Variants in GPR89B observed in about 807,000 individuals in gnomAD.
GPR89B encodes G protein-coupled receptor 89B.
Under a neutral mutation model 52.4 loss-of-function variants are expected in GPR89B, and 25 were observed. The ratio of observed to expected loss-of-function variants is 0.48; its 90% CI spans 0.35 to 0.67. The LOEUF (loss-of-function observed/expected upper bound fraction) is 0.67, where lower values mean the gene tolerates loss of function less well. Ranked by LOEUF, GPR89B falls within the 30% of genes least tolerant of loss-of-function variation. GPR89B has a pLI of 0.01. For missense variants in GPR89B, 146 were observed against 450.2 expected, an observed-to-expected ratio of 0.32 and a Z score of 6.11; for synonymous variants, 52 against 151.2, an observed-to-expected ratio of 0.34 and a Z score of 4.81.
chr1:148,019,695 A>G, the GPR89B span, among the ~76,000 whole-genome samples: 1 of 152,198 alleles, frequency 6.6e-6, no homozygotes, highest in Non-Finnish European at 1.5e-5. Context: ...GAGTGAAAAC[A>G]TGAATATCCG....
chr1:147,978,957 T>C (rs1387521653), intron 10 of GPR89B, among the ~76,000 whole-genome samples: 1 of 151,234 alleles, frequency 6.6e-6, no homozygotes, highest in Admixed American at 6.6e-5. Flanking sequence ...GGCAGCTCTG[T>C]GCTTGGGATC....
At chr1:147,951,884 A>T (rs1456540496) in intron 5 of GPR89B, among the ~76,000 whole-genome samples, 6 of 151,862 alleles carry the variant, frequency 4.0e-5, no homozygotes, top group Non-Finnish European at 8.8e-5. Context: ...CTTTGTTCTA[A>T]GGGAGACAAG....
At chr1:148,008,306 A>T in the GPR89B span, among the ~76,000 whole-genome samples, 6 of 152,326 alleles carry the variant, frequency 3.9e-5, no homozygotes, top group African/African-American at 1.4e-4. Flanking sequence ...GATGAGTAGA[A>T]TCTGAATTAT....
chr1:147,936,013 C>T (rs1453162541), intron 1 of GPR89B, among the ~76,000 whole-genome samples: 3 of 152,234 alleles, frequency 2.0e-5, no homozygotes, highest in Non-Finnish European at 1.5e-5. Context: ...AAGTCTCACT[C>T]TGACACCTTT....
intron 8 of GPR89B, chr1:147,968,595 A>G (rs1430156088): frequency 1.9e-6 from 1 of 532,672 alleles, no homozygotes; most frequent in Non-Finnish European, 3.4e-6. Flanking sequence ...AACTAGATAA[A>G]TCAAAAAACA....
chr1:147,983,554 A>G (rs1389644682), intron 10 of GPR89B, among the ~76,000 whole-genome samples: 5 of 151,338 alleles, frequency 3.3e-5, no homozygotes, highest in Admixed American at 6.6e-5. Context: ...GACATTTATG[A>G]CGCCAAAAAA....
chr1:148,014,467 C>T, the GPR89B span: 1 of 151,058 alleles, frequency 6.6e-6, no homozygotes, highest in African/African-American at 2.5e-5. Context: ...CCACCGCGGA[C>T]GAGGGCCCCG....
chr1:147,977,832 A>G (rs1657953769), intron 10 of GPR89B, among the ~76,000 whole-genome samples: 2 of 149,220 alleles, frequency 1.3e-5, no homozygotes, highest in South Asian at 2.1e-4. Flanking sequence ...TTTCAGCTCC[A>G]TCACATTGTT....
chr1:147,999,889 C>G, the GPR89B span, among the ~76,000 whole-genome samples: 1 of 152,212 alleles, frequency 6.6e-6, no homozygotes, highest in Non-Finnish European at 1.5e-5. Context: ...CCCTCTCTTA[C>G]AACTAAGGAA....
Position 147,969,731 on chromosome 1 carries a change from G to A in GPR89B, c.817-136G>A, listed in dbSNP as rs1657281812. ...TCAGTAAATGCTGGCCACAACTACT[G>A]TTATTAGTTTAATATTATTGCAATG... On this transcript the variant is annotated intron_variant, in intron 9 of 13. Coordinates refer to ENST00000314163, the MANE Select transcript of GPR89B (RefSeq NM_016334.5). The A allele has an allele frequency of 7.8e-6, 10 of 1,279,140 alleles. No homozygotes were observed. In the East Asian group the frequency reaches 2.3e-4, roughly 29 times the overall value. The allele number at this position is 1,279,140 out of a possible 1,614,324, so 79.2% of individuals were successfully genotyped here.
intron 1 of GPR89B, among the ~76,000 whole-genome samples, chr1:147,932,581 C>T (rs1553247216): frequency 2.0e-5 from 3 of 152,160 alleles, no homozygotes; most frequent in African/African-American, 7.2e-5. Context: ...TCTAACTCAC[C>T]TCTCTTACTC....
At chr1:147,980,268 C>T (rs1423124035) in intron 10 of GPR89B, among the ~76,000 whole-genome samples, 3 of 92,524 alleles carry the variant, frequency 3.2e-5, no homozygotes, top group Non-Finnish European at 6.1e-5. Context: ...GTTATTTCTC[C>T]CCTAACTGTG....
intron 2 of GPR89B, among the ~76,000 whole-genome samples, chr1:147,936,945 A>T (rs372074844): frequency 0.044 from 6,710 of 152,110 alleles, 196 homozygotes; most frequent in African/African-American, 0.074. Flanking sequence ...AATAGCAAAT[A>T]GTTATTCTGT....
Position 147,937,281 on chromosome 1 carries a change from A to G in GPR89B, c.102+595A>G, listed in dbSNP as rs587772651. 1.2e-4 allele frequency among the ~76,000 whole-genome samples: 19 copies of G among 152,080 alleles called. No individual in the cohort carries two copies. In the South Asian group the frequency reaches 3.1e-3, roughly 25 times the overall value. On this transcript the variant is annotated intron_variant, in intron 2 of 13. Transcript: ENST00000314163. ...TTTCAAAAGGGGAGGGAGTGTATGA[A>G]TAGGGAGTGGGTCACAGAGATCACA...
At chr1:147,929,744 A>G (rs1158255817) in intron 1 of GPR89B, among the ~76,000 whole-genome samples, 1 of 152,192 alleles carries the variant, frequency 6.6e-6, no homozygotes, top group African/African-American at 2.4e-5. Context: ...TAAGAAAATA[A>G]GAAAGAAGGA....
chr1:147,968,090 T>C (rs1189477899), intron 8 of GPR89B: 19 of 357,010 alleles, frequency 5.3e-5, no homozygotes, highest in Non-Finnish European at 8.8e-5. Context: ...TACTTAAAAG[T>C]TCATAAAAGC....
chr1:148,013,608 A>G, the GPR89B span, among the ~76,000 whole-genome samples: 77 of 152,090 alleles, frequency 5.1e-4, 1 homozygote, highest in African/African-American at 1.8e-3. Flanking sequence ...GCAGTGCGGG[A>G]GATGCCCATG....
At chr1:148,018,234 T>C in the GPR89B span, among the ~76,000 whole-genome samples, 10 of 139,800 alleles carry the variant, frequency 7.2e-5, no homozygotes, top group South Asian at 1.5e-3. Flanking sequence ...CTGGCTAACA[T>C]GGTGAAACCC....
intron 5 of GPR89B, among the ~76,000 whole-genome samples, chr1:147,949,748 G>T (rs587639102): frequency 2.5e-4 from 36 of 144,524 alleles, no homozygotes; most frequent in African/African-American, 9.4e-4. Context: ...AGGGGCAGCC[G>T]GGCAGAGGCG....
Sources: allele counts gnomAD v4.1 joint callset (sites outside exome capture counted in the v4.1 genomes callset), GRCh38; gene constraint gnomAD v4.1.1; transcripts MANE v1.5; gene names NCBI Gene and HGNC (gene_info 2026-07-23, HGNC 2026-07-21).